The following NTN1 variants were observed in gnomAD, a reference collection of about 807,000 sequenced individuals.
NTN1 encodes the protein netrin 1.
A neutral mutation model predicts 54.2 loss-of-function variants in NTN1; 11 were observed. The observed-to-expected ratio is 0.20, with a 90% confidence interval of 0.13 to 0.34. NTN1 has a LOEUF of 0.34. NTN1 is among the 10% of genes least tolerant of loss of function. The probability of loss-of-function intolerance (pLI) is 1.00; values close to 1 mark genes in which losing one functional copy is unlikely to be tolerated. For synonymous variants in NTN1, 371 were observed against 382.0 expected, an observed-to-expected ratio of 0.97 and a Z score of 0.33; for missense variants, 740 against 893.1, an observed-to-expected ratio of 0.83 and a Z score of 2.18.
intron 2 of NTN1, among the ~76,000 whole-genome samples, chr17:9,070,782 G>A (rs957719215): frequency 5.3e-5 from 8 of 151,784 alleles, no homozygotes; most frequent in African/African-American, 1.9e-4. Flanking sequence ...AGTAGAGATG[G>A]GGTTTCACCA....
intron 2 of NTN1, among the ~76,000 whole-genome samples, chr17:9,109,431 A>G (rs147608944): frequency 2.6e-3 from 396 of 152,364 alleles, no homozygotes; most frequent in African/African-American, 9.3e-3. Context: ...CTGTGCTATT[A>G]GATAGATCCA....
intron 5 of NTN1, among the ~76,000 whole-genome samples, chr17:9,210,553 T>A (rs1905078126): frequency 6.6e-6 from 1 of 152,076 alleles, no homozygotes. Flanking sequence ...CTTTGTTGAA[T>A]ACAGATGTCA....
At position 9,241,612 on chromosome 17, in the gene NTN1, A is replaced by C. The variant is rs1906217436; in HGVS notation, c.*1644A>C. The C allele has an allele frequency of 6.6e-6, 1 of 152,316 alleles. No homozygotes were observed. Among genetic ancestry groups the C allele is most frequent in the South Asian group, 2.1e-4 (1 of 4,836 alleles). 9.4% of individuals were successfully genotyped at this position (152,316 alleles called of 1,614,324 possible). On this transcript the variant is annotated 3_prime_UTR_variant, in exon 7 of 7. Coordinates refer to ENST00000173229, the MANE Select transcript of NTN1 (RefSeq NM_004822.3). ...CTCAAAAGGGTCATACCAAGTATGA[A>C]GCTCGGCCCCCGGTGGTCTGGCTTC...
rs974510336 is a variant in NTN1, at chr17:9,221,358, C to T, written c.1486+116C>T. 43 of 797,524 alleles carry T rather than the reference C, an allele frequency of 5.4e-5. No individual in the cohort carries two copies. The highest frequency in any genetic ancestry group is 7.6e-5 in the Non-Finnish European group (34 of 447,548). 49.4% of individuals were successfully genotyped at this position (797,524 alleles called of 1,614,324 possible). A position where few individuals can be genotyped will look rare whatever the true frequency, so the allele number is the denominator to read the frequency against. Reference sequence around the variant, plus strand: ...GTGTTGGTCGTGAAGACCCTGTGACCGATGGGAACTAGCCGGACGGATCCC... The same window carrying T: ...GTGTTGGTCGTGAAGACCCTGTGACTGATGGGAACTAGCCGGACGGATCCC... On this transcript the variant is annotated intron_variant, in intron 6 of 6. Coordinates refer to ENST00000173229, the MANE Select transcript of NTN1 (RefSeq NM_004822.3). This position sits in a 1 kb window ranked among gnomAD's most constrained non-coding sequence, Gnocchi z 4.5.
intron 2 of NTN1, among the ~76,000 whole-genome samples, chr17:9,114,447 T>TAA (rs372338509): frequency 0.094 from 13,665 of 144,944 alleles, 713 homozygotes; most frequent in Middle Eastern, 0.16. Context: ...TTACTTGAGT[T>TAA]AAAAAAAAAA....
At chr17:9,128,836 A>G (rs1262563353) in intron 2 of NTN1, among the ~76,000 whole-genome samples, 3 of 152,228 alleles carry the variant, frequency 2.0e-5, no homozygotes, top group Non-Finnish European at 2.9e-5. Context: ...TAAGATTTCC[A>G]TGCACTGAGA....
intron 5 of NTN1, among the ~76,000 whole-genome samples, chr17:9,190,176 A>T (rs1904414021): frequency 6.6e-6 from 1 of 152,228 alleles, no homozygotes; most frequent in African/African-American, 2.4e-5. Flanking sequence ...TAAAAATATG[A>T]AACACAGAAA....
chr17:9,019,000 A>G (rs183157698), upstream of NTN1, among the ~76,000 whole-genome samples: 1 of 152,342 alleles, frequency 6.6e-6, no homozygotes, highest in Non-Finnish European at 1.5e-5. Flanking sequence ...CTTGAGCAGT[A>G]GGTCTGTTTT....
intron 3 of NTN1, among the ~76,000 whole-genome samples, chr17:9,169,304 T>C (rs747243329): frequency 4.6e-5 from 7 of 152,234 alleles, no homozygotes; most frequent in Non-Finnish European, 8.8e-5. Context: ...CAATTCTTTG[T>C]AGCAGTGAAG....
intron 2 of NTN1, among the ~76,000 whole-genome samples, chr17:9,140,827 C>T (rs2092295547): frequency 6.6e-6 from 1 of 152,158 alleles, no homozygotes; most frequent in African/African-American, 2.4e-5. Flanking sequence ...GGCTGAAAAC[C>T]CACATTTGTG....
chr17:9,008,460 C>T, the NTN1 span, among the ~76,000 whole-genome samples: 1 of 152,094 alleles, frequency 6.6e-6, no homozygotes, highest in Non-Finnish European at 1.5e-5. Flanking sequence ...GCTGGGGTTA[C>T]AGGCATGTGT....
At position 9,195,734 on chromosome 17, in the gene NTN1, C is replaced by A. The variant is rs192537156; in HGVS notation, c.1411+12765C>A. Among the ~76,000 whole-genome samples the A allele has an allele frequency of 1.4e-4, 22 of 152,266 alleles. 2 individuals are homozygous for A. In the East Asian group the frequency reaches 3.1e-3, roughly 21 times the overall value. On this transcript the variant is annotated intron_variant, in intron 5 of 6. Transcript: ENST00000173229. ...CCCTCAGCGTACAGACTCTCCTGCC[C>A]CTATTGCAGCGGGCTCGCCTGGCAG...
chr17:9,091,921 T>A (rs2092112154), intron 2 of NTN1, among the ~76,000 whole-genome samples: 1 of 152,142 alleles, frequency 6.6e-6, no homozygotes, highest in Non-Finnish European at 1.5e-5. Flanking sequence ...TCTCTAGGAA[T>A]CTGACTACTC....
the NTN1 span, among the ~76,000 whole-genome samples, chr17:9,013,962 C>G: frequency 6.6e-6 from 1 of 152,172 alleles, no homozygotes; most frequent in Admixed American, 6.5e-5. Context: ...TGCTGGTTCC[C>G]CCATCCACAG....
chr17:9,007,715 CCTTT>C, the NTN1 span, among the ~76,000 whole-genome samples: 14 of 150,026 alleles, frequency 9.3e-5, no homozygotes, highest in African/African-American at 3.2e-4. Flanking sequence ...TTTCTTCCCT[CCTTT>C]CTTTCTTTCT....
chr17:9,241,070 G>A lies in NTN1; in HGVS notation c.*1102G>A, dbSNP rs746789471. 36 of 152,422 alleles carry A rather than the reference G, an allele frequency of 2.4e-4. No homozygotes were observed. The highest frequency in any genetic ancestry group is 4.5e-4 in the Non-Finnish European group (31 of 68,216). 9.4% of individuals were successfully genotyped at this position (152,422 alleles called of 1,614,324 possible). ...GGGCTTGGAGTCTGCAGGCTGCGAA[G>A]GCACTTGGGCCTGGCTTGGGGCCGG... On this transcript the variant is annotated 3_prime_UTR_variant, in exon 7 of 7. Transcript: ENST00000173229.
intron 2 of NTN1, among the ~76,000 whole-genome samples, chr17:9,114,166 A>AAAAAAAAAAAAT (rs1555569108): frequency 2.7e-5 from 2 of 74,656 alleles, no homozygotes; most frequent in African/African-American, 5.8e-5. Flanking sequence ...AAAAAAAAAA[A>AAAAAAAAAAAAT]ATATATATAT....
chr17:9,203,509 T>A (rs1904871217), intron 5 of NTN1, among the ~76,000 whole-genome samples: 1 of 152,086 alleles, frequency 6.6e-6, no homozygotes, highest in Non-Finnish European at 1.5e-5. Context: ...TATCAAGAAC[T>A]GAGGACTGGT....
intron 5 of NTN1, among the ~76,000 whole-genome samples, chr17:9,201,585 G>A (rs758139412): frequency 6.6e-6 from 1 of 152,188 alleles, no homozygotes; most frequent in Non-Finnish European, 1.5e-5. Context: ...CACACATATG[G>A]CCTCCCTTGT....
Sources: allele counts gnomAD v4.1 joint callset (sites outside exome capture counted in the v4.1 genomes callset), GRCh38; gene constraint gnomAD v4.1.1; non-coding constraint Gnocchi (gnomAD v3.1); transcripts MANE v1.5; gene names NCBI Gene and HGNC (gene_info 2026-07-23, HGNC 2026-07-21).